Variants in UBE2D1 observed in about 807,000 individuals in gnomAD.
UBE2D1 encodes the protein ubiquitin-conjugating enzyme E2 D1.
A neutral mutation model predicts 24.6 loss-of-function variants in UBE2D1; 9 were observed. The observed-to-expected ratio is 0.37, with a 90% CI of 0.22 to 0.64. UBE2D1 has a LOEUF of 0.64. Among genes scored for constraint, UBE2D1 ranks in the 30% least tolerant of loss-of-function variants. The pLI is 0.64. For synonymous variants in UBE2D1, 57 were observed against 57.6 expected, an observed-to-expected ratio of 0.99 and a Z score of 0.04; for missense variants, 87 against 177.1, an observed-to-expected ratio of 0.49 and a Z score of 2.89.
In UBE2D1 at chr10:58,340,298, C is replaced by T. The variant is rs183012842; in HGVS notation, c.24+5073C>T. Among the ~76,000 whole-genome samples the T allele has an allele frequency of 1.8e-3, 276 of 152,254 alleles. 1 individual carries two copies. Among genetic ancestry groups the T allele is most frequent in the Middle Eastern group, 3.4e-3 (1 of 294 alleles). On this transcript the variant is annotated intron_variant, in intron 1 of 6. Coordinates refer to ENST00000373910, the MANE Select transcript of UBE2D1 (RefSeq NM_003338.5). ...TTTCTCTGTAAAATGAAGGAGTAAA[C>T]GATATCAGAGTACTACTTGCCTTAT...
chr10:58,342,898 C>T lies in UBE2D1; in HGVS notation c.24+7673C>T, dbSNP rs112721294. Among the ~76,000 whole-genome samples the T allele has an allele frequency of 5.1e-3, 760 of 148,892 alleles. 10 individuals are homozygous for T. The highest frequency in any genetic ancestry group is 5.1e-3 in the Non-Finnish European group (344 of 67,524). On this transcript the variant is annotated intron_variant, in intron 1 of 6. Transcript: ENST00000373910. ...AGGCTGGAGTACAGTGGCGCGATCT[C>T]GGCTCACTGCAACCTCTGCTTCCTG...
intron 1 of UBE2D1, among the ~76,000 whole-genome samples, chr10:58,344,955 C>T (rs1840000238): frequency 6.6e-6 from 1 of 151,794 alleles, no homozygotes; most frequent in Admixed American, 6.6e-5. Context: ...ACCTCCACCT[C>T]CTGCGTTTAG....
rs951270622 is a variant in UBE2D1, at chr10:58,340,630, A to G, written c.24+5405A>G. On this transcript the variant is annotated intron_variant, in intron 1 of 6. Coordinates refer to ENST00000373910, the MANE Select transcript of UBE2D1 (RefSeq NM_003338.5). ...GTTATTTCCTTGTCTTAATCTTTTTATATGCCAATGATTGTGCCCCCTAGG... is the reference window on the plus strand; with the variant it reads ...GTTATTTCCTTGTCTTAATCTTTTTGTATGCCAATGATTGTGCCCCCTAGG... Among the ~76,000 whole-genome samples the G allele has an allele frequency of 3.3e-5, 5 of 152,262 alleles. No homozygotes were observed. The East Asian group carries it at 7.7e-4, about 23-fold the overall frequency.
chr10:58,365,440 T>A (rs1840245559), intron 5 of UBE2D1, among the ~76,000 whole-genome samples: 1 of 152,026 alleles, frequency 6.6e-6, no homozygotes. Context: ...CAGATTTGAT[T>A]GATAAATGAT....
chr10:58,341,628 A>T (rs1016720751), intron 1 of UBE2D1, among the ~76,000 whole-genome samples: 1 of 152,206 alleles, frequency 6.6e-6, no homozygotes, highest in Non-Finnish European at 1.5e-5. Context: ...GGCACATATG[A>T]AAACCAAACC....
At chr10:58,363,569 A>G in intron 3 of UBE2D1, 40 bp from the exon 4 acceptor site, 2 of 1,407,960 alleles carry the variant, frequency 1.4e-6, no homozygotes, top group Non-Finnish European at 2.0e-6. Context: ...ATAAATAAAT[A>G]TAGTAATCAA....
At chr10:58,348,441 G>C (rs1039451915) in intron 1 of UBE2D1, among the ~76,000 whole-genome samples, 1 of 152,158 alleles carries the variant, frequency 6.6e-6, no homozygotes, top group African/African-American at 2.4e-5. Context: ...TCACTGTCTT[G>C]TTTTAGGAAT....
intron 1 of UBE2D1, among the ~76,000 whole-genome samples, chr10:58,360,059 C>T (rs1840177369): frequency 6.6e-6 from 1 of 152,198 alleles, no homozygotes. Flanking sequence ...AGACCTCCCT[C>T]ACCCCCTACC....
At chr10:58,364,670 G>A (rs994666334) in intron 4 of UBE2D1, 101 bp from the exon 5 acceptor site, 9 of 752,934 alleles carry the variant, frequency 1.2e-5, no homozygotes, top group Non-Finnish European at 2.0e-5. Flanking sequence ...CTAAAGTTAT[G>A]TAAAGTTGAG....
chr10:58,355,874 T>C (rs1840125917), intron 1 of UBE2D1, among the ~76,000 whole-genome samples: 1 of 152,170 alleles, frequency 6.6e-6, no homozygotes, highest in Admixed American at 6.5e-5. Flanking sequence ...CACTAATGCC[T>C]TCTTCCTGTT....
intron 1 of UBE2D1, 130 bp downstream of exon 1, chr10:58,335,355 C>T: frequency 8.7e-7 from 1 of 1,151,126 alleles, no homozygotes; most frequent in Non-Finnish European, 1.2e-6. Context: ...GGGCAGGGAG[C>T]TGAAGGCTCG....
At chr10:58,350,366 G>T (rs1416153869) in intron 1 of UBE2D1, among the ~76,000 whole-genome samples, 1 of 137,190 alleles carries the variant, frequency 7.3e-6, no homozygotes, top group Non-Finnish European at 1.5e-5. Context: ...GATGACTAAT[G>T]AAACTGAGCC....
chr10:58,357,208 G>A (rs912830728), intron 1 of UBE2D1, among the ~76,000 whole-genome samples: 1 of 152,132 alleles, frequency 6.6e-6, no homozygotes, highest in African/African-American at 2.4e-5. Flanking sequence ...GGGGAGAAGG[G>A]CAAGGGAAGA....
At chr10:58,359,825 A>T (rs373338489) in intron 1 of UBE2D1, among the ~76,000 whole-genome samples, 1 of 152,216 alleles carries the variant, frequency 6.6e-6, no homozygotes, top group Non-Finnish European at 1.5e-5. Flanking sequence ...TTCATCATAC[A>T]TATCTATGAC....
chr10:58,354,811 G>A (rs1840113655), intron 1 of UBE2D1, among the ~76,000 whole-genome samples: 1 of 151,874 alleles, frequency 6.6e-6, no homozygotes, highest in Non-Finnish European at 1.5e-5. Flanking sequence ...CTCCAGCCTG[G>A]GCGACAGAGC....
At chr10:58,346,871 G>T (rs1840023095) in intron 1 of UBE2D1, among the ~76,000 whole-genome samples, 1 of 152,202 alleles carries the variant, frequency 6.6e-6, no homozygotes, top group Non-Finnish European at 1.5e-5. Flanking sequence ...GAGGGTCTAA[G>T]CTACAGTGTT....
At chr10:58,342,891 G>A (rs1321947172) in intron 1 of UBE2D1, among the ~76,000 whole-genome samples, 6 of 149,048 alleles carry the variant, frequency 4.0e-5, no homozygotes, top group Non-Finnish European at 5.9e-5. Flanking sequence ...GTACAGTGGC[G>A]CGATCTCGGC....
rs1840290129 is a variant in UBE2D1, at chr10:58,369,333, A to C, written c.*568A>C. 6.6e-6 allele frequency: 1 copy of C among 152,586 alleles called. No individual in the cohort carries two copies. The highest frequency in any genetic ancestry group is 1.5e-5 in the Non-Finnish European group (1 of 67,880). The allele number at this position is 152,586 out of a possible 1,614,324, so 9.5% of individuals were successfully genotyped here. A position where few individuals can be genotyped will look rare whatever the true frequency, so the allele number is the denominator to read the frequency against. On this transcript the variant is annotated 3_prime_UTR_variant, in exon 7 of 7. Transcript: ENST00000373910. ...TTGTCTTAGGATATTCTGTAGATTG[A>C]TTGCAGATTTCTTAAATCTGAAATG...
intron 1 of UBE2D1, among the ~76,000 whole-genome samples, chr10:58,340,574 T>C (rs1839951576): frequency 6.6e-6 from 1 of 152,216 alleles, no homozygotes; most frequent in Admixed American, 6.5e-5. Flanking sequence ...GACACTTCAC[T>C]TAAAATGTCA....
Sources: allele counts gnomAD v4.1 joint callset (sites outside exome capture counted in the v4.1 genomes callset), GRCh38; gene constraint gnomAD v4.1.1; transcripts MANE v1.5; gene names NCBI Gene and HGNC (gene_info 2026-07-23, HGNC 2026-07-21).